Variants in LRP1B observed in about 807,000 individuals in gnomAD.
LRP1B encodes LDL receptor related protein 1B, also known as low-density lipoprotein receptor-related protein 1B.
LRP1B carries 217 observed loss-of-function variants against 556.6 expected under a neutral mutation model. That is an observed-to-expected ratio of 0.39 (90% CI 0.35 to 0.44). The LOEUF is 0.44. Among genes scored for constraint, LRP1B ranks in the 20% least tolerant of loss-of-function variants. The pLI, the probability that LRP1B is intolerant of heterozygous loss-of-function variation, is 1.00. For missense variants in LRP1B, 5,053 were observed against 5,620.8 expected, an observed-to-expected ratio of 0.90 and a Z score of 3.23; for synonymous variants, 2,047 against 1,865.8, an observed-to-expected ratio of 1.10 and a Z score of -2.50.
chr2:141,703,865 C>T (rs996036249), intron 2 of LRP1B, among the ~76,000 whole-genome samples: 4 of 151,790 alleles, frequency 2.6e-5, no homozygotes, highest in African/African-American at 9.7e-5. Context: ...GATAGTAACT[C>T]GATTTTCTAA....
At chr2:141,240,887 T>A (rs1485198826) in intron 5 of LRP1B, among the ~76,000 whole-genome samples, 1 of 152,058 alleles carries the variant, frequency 6.6e-6, no homozygotes, top group Non-Finnish European at 1.5e-5. Flanking sequence ...TTTCTTAGAC[T>A]AAGGGTAAAT....
intron 1 of LRP1B, among the ~76,000 whole-genome samples, chr2:141,909,575 G>T (rs1383562007): frequency 8.0e-6 from 1 of 125,680 alleles, no homozygotes; most frequent in Non-Finnish European, 1.6e-5. Flanking sequence ...CTGGAGGAGG[G>T]ACATTTTGTT....
chr2:141,130,157 A>G (rs1227989304), intron 7 of LRP1B, among the ~76,000 whole-genome samples: 2 of 150,182 alleles, frequency 1.3e-5, no homozygotes, highest in Non-Finnish European at 3.0e-5. Flanking sequence ...TTAAAAATAA[A>G]TCTTCAGGGA....
intron 11 of LRP1B, among the ~76,000 whole-genome samples, chr2:141,025,279 T>G (rs945281494): frequency 6.6e-6 from 1 of 152,056 alleles, no homozygotes; most frequent in African/African-American, 2.4e-5. Flanking sequence ...TGAGTGGATA[T>G]GAACACAAAT....
intron 1 of LRP1B, among the ~76,000 whole-genome samples, chr2:141,884,487 G>A (rs6759660): frequency 0.87 from 131,929 of 152,244 alleles, 57,237 homozygotes; most frequent in East Asian, 1. Flanking sequence ...TTTACCAAAC[G>A]AAATATGTGC....
At chr2:141,200,315 A>C (rs1681953245) in intron 6 of LRP1B, among the ~76,000 whole-genome samples, 1 of 152,162 alleles carries the variant, frequency 6.6e-6, no homozygotes, top group African/African-American at 2.4e-5. Flanking sequence ...GTTCTCAGTC[A>C]CAAGTGGGAG....
chr2:140,738,246 C>T lies in LRP1B; in HGVS notation c.5759-21430G>A, dbSNP rs78573370. Among the ~76,000 whole-genome samples the T allele has an allele frequency of 1.4e-3, 206 of 152,158 alleles. 5 individuals are homozygous for T. The East Asian group carries it at 0.034, about 25-fold the overall frequency. ...GATGATGACCCTGTATCCAGTGTGG[C>T]CTGAGATCAATTACAACTATAACAT... is the stretch of plus-strand genomic sequence containing the variant. On this transcript the variant is annotated intron_variant, in intron 35 of 90. Coordinates refer to ENST00000389484, the MANE Select transcript of LRP1B (RefSeq NM_018557.3).
At chr2:140,928,492 G>A (rs943253323) in intron 20 of LRP1B, among the ~76,000 whole-genome samples, 8 of 152,122 alleles carry the variant, frequency 5.3e-5, no homozygotes, top group African/African-American at 1.7e-4. Context: ...GTTGGCAGGC[G>A]AGAGGGAAAT....
intron 6 of LRP1B, among the ~76,000 whole-genome samples, chr2:141,203,717 A>C (rs541062305): frequency 5.6e-4 from 85 of 152,322 alleles, no homozygotes; most frequent in Admixed American, 4.8e-3. Context: ...CCCCAAATCA[A>C]CAGAATATAC....
intron 3 of LRP1B, among the ~76,000 whole-genome samples, chr2:141,260,123 G>A (rs1013921674): frequency 6.6e-6 from 1 of 151,642 alleles, no homozygotes; most frequent in African/African-American, 2.4e-5. Context: ...TTGTTTGTTT[G>A]GTAAGTTCTC....
At chr2:142,088,271 T>C (rs1462824064) in intron 1 of LRP1B, among the ~76,000 whole-genome samples, 1 of 152,152 alleles carries the variant, frequency 6.6e-6, no homozygotes, top group Non-Finnish European at 1.5e-5. Context: ...GAAAACATAA[T>C]TACATTAAAT....
chr2:141,251,557 T>C (rs2714181), intron 4 of LRP1B, among the ~76,000 whole-genome samples: 58,277 of 151,842 alleles, frequency 0.38, 11,268 homozygotes, highest in South Asian at 0.51. Flanking sequence ...TGATAGCCAG[T>C]GGAAATGTAG....
At chr2:141,822,471 C>T (rs1318622035) in intron 1 of LRP1B, among the ~76,000 whole-genome samples, 1 of 152,110 alleles carries the variant, frequency 6.6e-6, no homozygotes, top group African/African-American at 2.4e-5. Flanking sequence ...TCCTTGCAGG[C>T]TCTATTTTCT....
At chr2:141,412,086 A>G (rs1690873433) in intron 3 of LRP1B, among the ~76,000 whole-genome samples, 1 of 152,178 alleles carries the variant, frequency 6.6e-6, no homozygotes, top group Non-Finnish European at 1.5e-5. Context: ...ACTGCTAATC[A>G]GCAAACACCA....
rs13404015 is a variant in LRP1B at position 140,399,962 on chromosome 2, C to T, written c.10415-13953G>A. On this transcript the variant is annotated intron_variant, in intron 66 of 90. Coordinates refer to ENST00000389484, the MANE Select transcript of LRP1B (RefSeq NM_018557.3). ...AATAAATTTAATGCATTTTAAAATC[C>T]GATTTCAGTTGAATACAAAGCTTTG... 9.6e-3 allele frequency among the ~76,000 whole-genome samples: 1,466 copies of T among 152,102 alleles called. 16 individuals are homozygous for T. The highest frequency in any genetic ancestry group is 0.012 in the Non-Finnish European group (816 of 67,990).
chr2:141,877,912 T>A (rs1380837403), intron 1 of LRP1B, among the ~76,000 whole-genome samples: 1 of 152,004 alleles, frequency 6.6e-6, no homozygotes, highest in Non-Finnish European at 1.5e-5. Context: ...TTCGTGCACC[T>A]GGGCTTATAG....
intron 23 of LRP1B, among the ~76,000 whole-genome samples, chr2:140,895,094 A>G (rs967526305): frequency 2.0e-5 from 3 of 152,186 alleles, no homozygotes; most frequent in Admixed American, 1.3e-4. Context: ...TGGACACAGT[A>G]TACCAAAACA....
chr2:140,550,291 G>C (rs1680499349), intron 43 of LRP1B, among the ~76,000 whole-genome samples: 1 of 152,022 alleles, frequency 6.6e-6, no homozygotes, highest in Non-Finnish European at 1.5e-5. Context: ...CAGATGGTTT[G>C]TCCAACTTCT....
chr2:141,716,898 T>G (rs1396859080), intron 2 of LRP1B, among the ~76,000 whole-genome samples: 1 of 152,168 alleles, frequency 6.6e-6, no homozygotes, highest in African/African-American at 2.4e-5. Flanking sequence ...TTGAACCTTT[T>G]TTTCCATACT....
Sources: allele counts gnomAD v4.1 joint callset (sites outside exome capture counted in the v4.1 genomes callset), GRCh38; gene constraint gnomAD v4.1.1; transcripts MANE v1.5; gene names NCBI Gene and HGNC (gene_info 2026-07-23, HGNC 2026-07-21).